The following C7orf57 variants were observed in gnomAD, a reference collection of about 807,000 sequenced individuals.
The protein encoded by C7orf57 is uncharacterized protein C7orf57.
Under a neutral mutation model 39.0 loss-of-function variants are expected in C7orf57, and 33 were observed. That is an observed-to-expected ratio of 0.85 (90% confidence interval 0.64 to 1.13). The LOEUF is 1.13. C7orf57 is among the 50% of genes most tolerant of loss of function. The pLI is 0.00. For synonymous variants in C7orf57, 124 were observed against 137.1 expected (o/e 0.90, Z 0.67); for missense variants, 346 against 362.3 (o/e 0.95, Z 0.37).
In C7orf57 at chr7:48,041,330, A is replaced by G. The variant is rs773734741; in HGVS notation, c.56-4A>G. On this transcript the variant is annotated splice_region_variant and splice_polypyrimidine_tract_variant and intron_variant, in intron 2 of 8. Coordinates refer to ENST00000348904, the MANE Select transcript of C7orf57 (RefSeq NM_001100159.3). ...GTGTGGCCCTCCGCCTCTCTCCTCT[A>G]TAGATTGGTATTACCACGTCCCAGT... 12 of 1,610,164 alleles carry G rather than the reference A, an allele frequency of 7.5e-6. No individual in the cohort carries two copies. Among genetic ancestry groups the G allele is most frequent in the African/African-American group, 1.3e-5 (1 of 74,770 alleles).
At chr7:48,036,715 C>T (rs1437051919) in intron 2 of C7orf57, among the ~76,000 whole-genome samples, 1 of 152,160 alleles carries the variant, frequency 6.6e-6, no homozygotes, top group East Asian at 1.9e-4. Flanking sequence ...GAATGTTGAC[C>T]TGGGAAGTTT....
Position 48,041,369 on chromosome 7 carries a change from A to G in C7orf57, c.91A>G (p.Lys31Glu), listed in dbSNP as rs750211328. 1.9e-6 allele frequency: 3 copies of G among 1,613,838 alleles called. No individual in the cohort carries two copies. The Admixed American group carries it at 5.0e-5, about 27-fold the overall frequency. Residue 31 changes from lysine to glutamate, a missense_variant, in exon 3 of 9, where the codon AAG (lysine) becomes GAG (glutamate). By Grantham distance (56) the Lys-to-Glu change is moderately conservative. Coordinates refer to ENST00000348904, the MANE Select transcript of C7orf57 (RefSeq NM_001100159.3). ...YYHVPVKRSE[K>E]AVDAPPASQI... ...CCACGTCCCAGTGAAGCGCTCTGAG[A>G]AGGCCGTGGATGCCCCACCAGCGTC...
chr7:48,038,399 G>T (rs1246374199), intron 2 of C7orf57, among the ~76,000 whole-genome samples: 2 of 150,112 alleles, frequency 1.3e-5, no homozygotes, highest in African/African-American at 4.9e-5. Context: ...TAGATAGATA[G>T]ATAGATAGAT....
chr7:48,036,343 C>G lies in C7orf57; in HGVS notation c.35C>G (p.Thr12Arg). Reference sequence around the variant, plus strand: ...ACAAGCAAGGAACTTCAGGGCGCCACGCACCGCTACGCTCCCTGCGGTGAG... The same window carrying G: ...ACAAGCAAGGAACTTCAGGGCGCCAGGCACCGCTACGCTCCCTGCGGTGAG... Reference protein sequence around the residue: ...RNTSKELQGATHRYAPCDWYY... With the variant: ...RNTSKELQGARHRYAPCDWYY... The change falls in exon 2 of 9, where the codon ACG (threonine) becomes AGG (arginine). Residue 12 changes from threonine (T) to arginine (R), a missense_variant. Coordinates refer to ENST00000348904, the MANE Select transcript of C7orf57 (RefSeq NM_001100159.3). 1.3e-6 allele frequency: 2 copies of G among 1,589,372 alleles called. No individual in the cohort carries two copies. Among genetic ancestry groups the G allele is most frequent in the Non-Finnish European group, 1.7e-6 (2 of 1,168,362 alleles).
intron 8 of C7orf57, among the ~76,000 whole-genome samples, chr7:48,056,547 AT>A (rs1308128669): frequency 6.6e-6 from 1 of 151,920 alleles, no homozygotes. Flanking sequence ...TTTTCCCTAT[AT>A]TTTTTCTATA....
chr7:48,036,149 G>T (rs557266659), intron 1 of C7orf57, 59 bp from the exon 2 acceptor site: 40 of 716,036 alleles, frequency 5.6e-5, no homozygotes, highest in Middle Eastern at 6.2e-4. Context: ...GCCTGCAGGC[G>T]TGTCAGGGCG....
chr7:48,050,493 GAATCCA>G, intron 6 of C7orf57, among the ~76,000 whole-genome samples: 1 of 152,122 alleles, frequency 6.6e-6, no homozygotes, highest in Non-Finnish European at 1.5e-5. Flanking sequence ...TACTCTCCCA[GAATCCA>G]AGTTTAATGC....
intron 8 of C7orf57, among the ~76,000 whole-genome samples, chr7:48,059,392 C>T (rs551759059): frequency 1.2e-4 from 18 of 152,228 alleles, no homozygotes; most frequent in Admixed American, 3.9e-4. Context: ...GCTCTGTTGC[C>T]GGGCCTGGAG....
chr7:48,042,955 C>T (rs180928400), intron 3 of C7orf57, among the ~76,000 whole-genome samples: 18 of 152,240 alleles, frequency 1.2e-4, no homozygotes, highest in Admixed American at 9.8e-4. Context: ...TGTGAAATCT[C>T]CCAGGTACCT....
At chr7:48,044,185 C>G (rs1011199217) in intron 4 of C7orf57, among the ~76,000 whole-genome samples, 5 of 152,198 alleles carry the variant, frequency 3.3e-5, no homozygotes, top group African/African-American at 1.2e-4. Flanking sequence ...GCAGCGGACA[C>G]TCTGCCGGAT....
intron 6 of C7orf57, 69 bp from the exon 7 acceptor site, chr7:48,052,631 C>G: frequency 2.2e-6 from 3 of 1,362,290 alleles, no homozygotes; most frequent in Non-Finnish European, 3.1e-6. Context: ...GGTGTGTTCA[C>G]GGAATACTGC....
intron 6 of C7orf57, among the ~76,000 whole-genome samples, chr7:48,050,304 C>G (rs139930156): frequency 1.9e-3 from 292 of 152,356 alleles, no homozygotes; most frequent in Non-Finnish European, 3.4e-3. Flanking sequence ...ACGGGGACTG[C>G]TTGTCCTGCA....
chr7:48,056,363 C>T (rs1313837277), intron 8 of C7orf57, among the ~76,000 whole-genome samples: 7 of 152,060 alleles, frequency 4.6e-5, no homozygotes, highest in Non-Finnish European at 1.0e-4. Flanking sequence ...ATATTAACCC[C>T]TTATCAGATG....
intron 6 of C7orf57, among the ~76,000 whole-genome samples, chr7:48,051,790 C>CTTTCTT (rs1790915036): frequency 1.5e-5 from 1 of 66,848 alleles, no homozygotes; most frequent in East Asian, 3.3e-4. Flanking sequence ...TTCTTTCTTT[C>CTTTCTT]TTTCTTTCCT....
At chr7:48,054,876 TA>T (rs1791068312) in intron 8 of C7orf57, among the ~76,000 whole-genome samples, 1 of 149,792 alleles carries the variant, frequency 6.7e-6, no homozygotes, top group African/African-American at 2.5e-5. Flanking sequence ...TGATTATTAT[TA>T]TTATTATTAT....
In C7orf57 at chr7:48,054,582, C is replaced by A. The variant is rs201117651; in HGVS notation, c.830-13C>A. ...TTCATTAACCTGAACAACGAATGTACTTTTTATTACAGAGTCTTCTCAAAG... is the reference window on the plus strand; with the variant it reads ...TTCATTAACCTGAACAACGAATGTAATTTTTATTACAGAGTCTTCTCAAAG... On this transcript the variant is annotated splice_polypyrimidine_tract_variant and intron_variant, in intron 7 of 8. Coordinates refer to ENST00000348904, the MANE Select transcript of C7orf57 (RefSeq NM_001100159.3). 2.5e-5 allele frequency: 38 copies of A among 1,546,326 alleles called. No individual in the cohort carries two copies. In the East Asian group the frequency reaches 3.4e-4, roughly 14 times the overall value.
Position 48,060,217 on chromosome 7 carries a change from G to A in C7orf57, c.842-9G>A, listed in dbSNP as rs1306822691. The stretch of plus-strand genomic sequence containing the variant: ...CTTTGTCTACTCATTTATTTACTTT[G>A]TGTTGCAGGCCCAGAAGAATCTGTA... On this transcript the variant is annotated splice_polypyrimidine_tract_variant and intron_variant, in intron 8 of 8. Transcript: ENST00000348904. 21 of 1,517,186 alleles carry A rather than the reference G, an allele frequency of 1.4e-5. No homozygotes were observed. The highest frequency in any genetic ancestry group is 1.8e-5 in the Non-Finnish European group (20 of 1,123,818). The allele number at this position is 1,517,186 out of a possible 1,614,324, so 94.0% of individuals were successfully genotyped here. A position where few individuals can be genotyped will look rare whatever the true frequency, so the allele number is the denominator to read the frequency against.
intron 5 of C7orf57, 38 bp downstream of exon 5, chr7:48,046,654 C>A: frequency 1.3e-6 from 2 of 1,590,330 alleles, no homozygotes; most frequent in Non-Finnish European, 1.7e-6. Context: ...TCCGCATCCG[C>A]TTTGCTTCTG....
At chr7:48,057,065 G>GTTTTTTTTTTTT (rs34277879) in intron 8 of C7orf57, among the ~76,000 whole-genome samples, 1 of 143,340 alleles carries the variant, frequency 7.0e-6, no homozygotes, top group Non-Finnish European at 1.5e-5. Flanking sequence ...CCATATATCT[G>GTTTTTTTTTTTT]TTTTTTTTTT....
Sources: gnomAD v4.1 joint callset for allele counts (sites outside exome capture counted in the v4.1 genomes callset) on GRCh38, gnomAD v4.1.1 for gene constraint, MANE v1.5 for transcripts, NCBI Gene and HGNC (gene_info 2026-07-23, HGNC 2026-07-21) for gene names.